The following TMEM94 variants were observed in gnomAD, a reference collection of about 807,000 sequenced individuals.
TMEM94 encodes the protein transmembrane protein 94.
Under a neutral mutation model 158.6 loss-of-function variants are expected in TMEM94, and 81 were observed. The observed-to-expected ratio is 0.51, with a 90% CI of 0.43 to 0.61. The LOEUF (loss-of-function observed/expected upper bound fraction) is 0.61, where lower values mean the gene tolerates loss of function less well. Among genes scored for constraint, TMEM94 ranks in the 20% least tolerant of loss-of-function variants. The pLI is 0.00. For synonymous variants in TMEM94, 751 were observed against 730.7 expected, an observed-to-expected ratio of 1.03 and a Z score of -0.45; for missense variants, 1,435 against 1,762.0, an observed-to-expected ratio of 0.81 and a Z score of 3.32.
chr17:75,494,196 C>T (rs1450475637), intron 18 of TMEM94, among the ~76,000 whole-genome samples: 1 of 152,196 alleles, frequency 6.6e-6, no homozygotes, highest in African/African-American at 2.4e-5. Context: ...TGGGAAGTTA[C>T]CAAGCAGCGT....
At chr17:75,486,576 C>A in intron 5 of TMEM94, 150 bp downstream of exon 5, 1 of 985,898 alleles carries the variant, frequency 1.0e-6, no homozygotes. Flanking sequence ...AGGATGCCCA[C>A]TCTCTTTTGA....
chr17:75,490,306 G>A lies in TMEM94; in HGVS notation c.1027G>A (p.Ala343Thr). The change falls in exon 10 of 32, where the codon GCC becomes ACC. Residue 343 changes from alanine to threonine, a missense_variant. Ala to Thr is a moderately conservative substitution (Grantham distance 58). Around this residue, in one of 3 missense-constraint regions of TMEM94, gnomAD observed 1,051 missense variants for 1,254.4 expected, o/e 0.84. Coordinates refer to ENST00000314256, the MANE Select transcript of TMEM94 (RefSeq NM_014738.6). ...GGTTCTGGCAACTGCCTGTGGAGAGGCCCGTGTCCTGGCCCAGATGAGCAA... is the reference window on the plus strand; with the variant it reads ...GGTTCTGGCAACTGCCTGTGGAGAGACCCGTGTCCTGGCCCAGATGAGCAA... ...LWVLATACGE[A>T]RVLAQMSKAS... The A allele has an allele frequency of 6.2e-7, 1 of 1,614,070 alleles. No individual in the cohort carries two copies. Among genetic ancestry groups the A allele is most frequent in the African/African-American group, 1.3e-5 (1 of 75,068 alleles).
intron 1 of TMEM94, among the ~76,000 whole-genome samples, chr17:75,458,475 G>A (rs2145950516): frequency 6.6e-6 from 1 of 152,092 alleles, no homozygotes; most frequent in Non-Finnish European, 1.5e-5. Context: ...GCTGCTGTGG[G>A]AGGACTGCTT....
Position 75,498,204 on chromosome 17 carries a change from G to A in TMEM94, c.3519G>A (p.Leu1173=). ...AGCACTACTTCCTGCTCTGCTTCCT[G>A]CTCAAGTTCAGCCTCACCATCAGCT... is the stretch of plus-strand genomic sequence containing the variant. ...KTQHYFLLCF[L]LKFSLTISSC... is the part of the protein sequence containing the mutation. Residue 1173 remains leucine (L), a synonymous_variant, in exon 28 of 32, where the codon CTG becomes CTA. Transcript: ENST00000314256. The surrounding 1 kb of genome is among the most constrained non-coding windows in gnomAD (Gnocchi z 6.7). The A allele has an allele frequency of 6.2e-7, 1 of 1,613,912 alleles. No homozygotes were observed. The highest frequency in any genetic ancestry group is 8.5e-7 in the Non-Finnish European group (1 of 1,180,014).
At position 75,496,917 on chromosome 17, in the gene TMEM94, C is replaced by T. The variant is rs1178938957; in HGVS notation, c.3321+110C>T. The T allele has an allele frequency of 1.5e-5, 18 of 1,213,446 alleles. 1 individual carries two copies. The highest frequency in any genetic ancestry group is 3.6e-5 in the Admixed American group (2 of 55,348). The allele number at this position is 1,213,446 out of a possible 1,614,324, so 75.2% of individuals were successfully genotyped here. ...GGGGTTAGCAGTACAGTCAAGGGGT[C>T]CCCCCAGAGCCTCTGTGAAGCCCCT... On this transcript the variant is annotated intron_variant, in intron 25 of 31. Coordinates refer to ENST00000314256, the MANE Select transcript of TMEM94 (RefSeq NM_014738.6).
intron 26 of TMEM94, 21 bp downstream of exon 26, chr17:75,497,219 CCCACA>C: frequency 1.3e-6 from 2 of 1,595,276 alleles, no homozygotes; most frequent in Non-Finnish European, 1.7e-6. Flanking sequence ...ATGTATCTTC[CCCACA>C]CCCCATGCCT....
chr17:75,499,150 G>A (rs1236703163), intron 31 of TMEM94, 68 bp downstream of exon 31: 53 of 1,581,894 alleles, frequency 3.4e-5, no homozygotes, highest in East Asian at 6.7e-5. Flanking sequence ...CTCCCTTGGC[G>A]ACACTCCCCC....
At position 75,498,070 on chromosome 17, in the gene TMEM94, C is replaced by G; in HGVS notation, c.3490-105C>G. Reference sequence around the variant, plus strand: ...TGCTGGGGCTTGAGCTCCCTATCCCCCCAGGCCTGACCATTTACTAAGAGC... The same window carrying G: ...TGCTGGGGCTTGAGCTCCCTATCCCGCCAGGCCTGACCATTTACTAAGAGC... On this transcript the variant is annotated intron_variant, in intron 27 of 31. Coordinates refer to ENST00000314256, the MANE Select transcript of TMEM94 (RefSeq NM_014738.6). The surrounding 1 kb of genome is among the most constrained non-coding windows in gnomAD (Gnocchi z 6.7). 6.7e-7 allele frequency: 1 copy of G among 1,483,400 alleles called. No homozygotes were observed. Among genetic ancestry groups the G allele is most frequent in the South Asian group, 1.2e-5 (1 of 81,222 alleles). The allele number at this position is 1,483,400 out of a possible 1,614,324, so 91.9% of individuals were successfully genotyped here.
chr17:75,490,195 G>T (rs550146164), intron 9 of TMEM94, 39 bp from the exon 10 acceptor site: 1 of 1,610,598 alleles, frequency 6.2e-7, no homozygotes, highest in South Asian at 1.1e-5. Flanking sequence ...CCCCAGGCCC[G>T]GAGCTCAGGA....
At chr17:75,474,033 T>G (rs1457125464) in intron 2 of TMEM94, among the ~76,000 whole-genome samples, 1 of 152,088 alleles carries the variant, frequency 6.6e-6, no homozygotes, top group East Asian at 1.9e-4. Flanking sequence ...GAGAATCGCT[T>G]GAACCCGGGA....
rs141765616 is a variant in TMEM94, at chr17:75,498,319, C to G, written c.3634C>G (p.Pro1212Ala). ...NLTNCSSVML[P>A]SNDDRAPAWF... ...CACCAACTGCTCCTCCGTCATGCTGCCCAGGTGGGTCCCAGCCCCAGAGAT... is the reference window on the plus strand; with the variant it reads ...CACCAACTGCTCCTCCGTCATGCTGGCCAGGTGGGTCCCAGCCCCAGAGAT... Residue 1212 changes from proline (P) to alanine (A), a missense_variant, in exon 28 of 32, where the codon CCC (proline) becomes GCC (alanine). By Grantham distance (27) the Pro-to-Ala change is conservative. Around this residue, in one of 3 missense-constraint regions of TMEM94, gnomAD observed 335 missense variants for 409.1 expected, o/e 0.82. Coordinates refer to ENST00000314256, the MANE Select transcript of TMEM94 (RefSeq NM_014738.6). This position sits in a 1 kb window ranked among gnomAD's most constrained non-coding sequence, Gnocchi z 6.7. 1 of 1,612,910 alleles carries G rather than the reference C, an allele frequency of 6.2e-7. No homozygotes were observed. Among genetic ancestry groups the G allele is most frequent in the African/African-American group, 1.3e-5 (1 of 74,938 alleles).
chr17:75,458,004 T>C (rs2049946722), intron 1 of TMEM94, among the ~76,000 whole-genome samples: 1 of 152,184 alleles, frequency 6.6e-6, no homozygotes, highest in Non-Finnish European at 1.5e-5. Flanking sequence ...CTGGTTTGCA[T>C]TCAGTAATTT....
chr17:75,478,789 G>A (rs989776666), intron 2 of TMEM94, among the ~76,000 whole-genome samples: 8 of 152,202 alleles, frequency 5.3e-5, no homozygotes, highest in South Asian at 2.1e-4. Flanking sequence ...AAAAGCATCC[G>A]TGTAATTTGA....
rs1471257745 is a variant in TMEM94, at chr17:75,499,406, G to T, written c.*72G>T. ...GCCAGACCCATTTCTGAACAGGGGAGTTTGTATCATGAATGTTTCCAGGTT... is the reference window on the plus strand; with the variant it reads ...GCCAGACCCATTTCTGAACAGGGGATTTTGTATCATGAATGTTTCCAGGTT... On this transcript the variant is annotated 3_prime_UTR_variant, in exon 32 of 32. Coordinates refer to ENST00000314256, the MANE Select transcript of TMEM94 (RefSeq NM_014738.6). 1 of 1,420,734 alleles carries T rather than the reference G, an allele frequency of 7.0e-7. No individual in the cohort carries two copies. 88.0% of individuals were successfully genotyped at this position (1,420,734 alleles called of 1,614,324 possible). A position where few individuals can be genotyped will look rare whatever the true frequency, so the allele number is the denominator to read the frequency against.
intron 1 of TMEM94, among the ~76,000 whole-genome samples, chr17:75,465,679 A>ATATATATTTTTTTTTT (rs1247855961): frequency 4.8e-5 from 6 of 124,846 alleles, no homozygotes; most frequent in African/African-American, 2.1e-4. Context: ...ATATATATAT[A>ATATATATTTTTTTTTT]TTTTTTTTTA....
At chr17:75,472,778 C>T (rs2050546355) in intron 2 of TMEM94, among the ~76,000 whole-genome samples, 1 of 152,122 alleles carries the variant, frequency 6.6e-6, no homozygotes, top group African/African-American at 2.4e-5. Context: ...ATTTGGTGTT[C>T]CTAGCCTTCC....
At position 75,494,965 on chromosome 17, in the gene TMEM94, A is replaced by G; in HGVS notation, c.2659A>G (p.Met887Val). ...CATCTCCCTCACACCCAATGGTGAC[A>G]TGCCTGGCTCCGAGATCCCCCCCTC... ...CHISLTPNGD[M>V]PGSEIPPSSP... Residue 887 changes from methionine (M) to valine (V), a missense_variant, in exon 20 of 32, where the codon ATG (methionine) becomes GTG (valine). By Grantham distance (21) the Met-to-Val change is conservative. Around this residue, in one of 3 missense-constraint regions of TMEM94, gnomAD observed 1,051 missense variants for 1,254.4 expected, o/e 0.84. Transcript: ENST00000314256. 2 of 1,613,130 alleles carry G rather than the reference A, an allele frequency of 1.2e-6. No individual in the cohort carries two copies. Among genetic ancestry groups the G allele is most frequent in the East Asian group, 2.2e-5 (1 of 44,846 alleles).
At chr17:75,458,771 C>G (rs1467928024) in intron 1 of TMEM94, among the ~76,000 whole-genome samples, 1 of 150,890 alleles carries the variant, frequency 6.6e-6, no homozygotes, top group African/African-American at 2.4e-5. Context: ...AAAATGTAGA[C>G]TATTGGCCGG....
At chr17:75,466,576 G>A (rs1378972896) in intron 1 of TMEM94, among the ~76,000 whole-genome samples, 1 of 152,142 alleles carries the variant, frequency 6.6e-6, no homozygotes, top group Non-Finnish European at 1.5e-5. Context: ...AGCACTTTGG[G>A]AGGCCGAGGC....
Sources: allele counts gnomAD v4.1 joint callset (sites outside exome capture counted in the v4.1 genomes callset), GRCh38; gene constraint gnomAD v4.1.1; regional missense constraint gnomAD v4.1.1; non-coding constraint Gnocchi (gnomAD v3.1); transcripts MANE v1.5; gene names NCBI Gene and HGNC (gene_info 2026-07-23, HGNC 2026-07-21).